The following FAM161B variants were observed in gnomAD, a reference collection of about 807,000 sequenced individuals.
The protein encoded by FAM161B is protein FAM161B.
A neutral mutation model predicts 61.5 loss-of-function variants in FAM161B; 46 were observed. That is an observed-to-expected ratio of 0.75 (90% CI 0.59 to 0.96). The LOEUF is 0.96. FAM161B is among the 40% of genes least tolerant of loss of function. The pLI, the probability that FAM161B is intolerant of heterozygous loss-of-function variation, is 0.00. For missense variants in FAM161B, 774 were observed against 800.7 expected, an observed-to-expected ratio of 0.97 and a Z score of 0.40; for synonymous variants, 284 against 302.7, an observed-to-expected ratio of 0.94 and a Z score of 0.64.
At chr14:73,943,974 G>A (rs540955903) in intron 3 of FAM161B, among the ~76,000 whole-genome samples, 1 of 152,302 alleles carries the variant, frequency 6.6e-6, no homozygotes, top group South Asian at 2.1e-4. Context: ...GGAGCCATGG[G>A]GGAGCATCTC....
At chr14:73,926,314 A>G in the FAM161B span, among the ~76,000 whole-genome samples, 1 of 152,146 alleles carries the variant, frequency 6.6e-6, no homozygotes, top group Non-Finnish European at 1.5e-5. Flanking sequence ...TGCTAGAGTC[A>G]GGATTCAAAC....
downstream of FAM161B, among the ~76,000 whole-genome samples, chr14:73,926,906 G>A (rs1021583719): frequency 5.9e-5 from 9 of 152,090 alleles, no homozygotes; most frequent in Admixed American, 5.9e-4. Flanking sequence ...TTTCATAAAT[G>A]GTGCTCTTGC....
chr14:73,924,745 C>T, the FAM161B span: 5 of 426,354 alleles, frequency 1.2e-5, no homozygotes, highest in Admixed American at 1.1e-4. Context: ...GGTGCGTTCT[C>T]GGCTCACTGC....
chr14:73,937,863 C>T (rs1256893883), intron 6 of FAM161B, 85 bp downstream of exon 6: 1 of 1,587,112 alleles, frequency 6.3e-7, no homozygotes, highest in East Asian at 2.2e-5. Flanking sequence ...ACCTCGATAA[C>T]TCTATTTTGC....
downstream of FAM161B, chr14:73,927,175 TC>T: frequency 3.8e-6 from 1 of 264,252 alleles, no homozygotes; most frequent in Non-Finnish European, 8.2e-6. Flanking sequence ...AACCTCTACC[TC>T]CCGAATTCAA....
chr14:73,925,855 C>A, the FAM161B span, among the ~76,000 whole-genome samples: 1 of 152,008 alleles, frequency 6.6e-6, no homozygotes, highest in Non-Finnish European at 1.5e-5. Flanking sequence ...AACATAAGAC[C>A]CCTATCTCTA....
chr14:73,931,182 A>G (rs532631090), downstream of FAM161B, among the ~76,000 whole-genome samples: 4 of 152,222 alleles, frequency 2.6e-5, no homozygotes, highest in South Asian at 8.3e-4. Context: ...TGGTTCCACC[A>G]TTTCTGTTTT....
rs754342701 is a variant in FAM161B at position 73,942,726 on chromosome 14, A to G, written c.926-11T>C. The G allele has an allele frequency of 6.3e-5, 102 of 1,607,302 alleles. No homozygotes were observed. Among genetic ancestry groups the G allele is most frequent in the Admixed American group, 2.0e-4 (12 of 59,366 alleles). ...TGAAGAGCTCAGCTTCTGTGGAGAA[A>G]GGATGGTGATGGGTAAGAAAGGACC... On this transcript the variant is annotated splice_polypyrimidine_tract_variant and intron_variant, in intron 3 of 8. Transcript: ENST00000286544.
At position 73,934,226 on chromosome 14, in the gene FAM161B, T is replaced by C. The variant is rs748262977; in HGVS notation, c.*30A>G. ...AAACCCAAGTTAGCTGCTTAATATT[T>C]TTCAAAAGCAGTAATTTTAAGTGTA... On this transcript the variant is annotated 3_prime_UTR_variant, in exon 9 of 9. Coordinates refer to ENST00000286544, the MANE Select transcript of FAM161B (RefSeq NM_152445.3). The C allele has an allele frequency of 4.4e-6, 7 of 1,599,894 alleles. No homozygotes were observed. The African/African-American group carries it at 8.1e-5, about 19-fold the overall frequency.
rs768750434 is a variant in FAM161B, at chr14:73,944,297, C to T, written c.925+38G>A. 41 of 1,536,282 alleles carry T rather than the reference C, an allele frequency of 2.7e-5. No homozygotes were observed. In the Admixed American group the frequency reaches 2.8e-4, roughly 10 times the overall value. ...AATCCCTATGGTGGGATTGGTTCCCCGAGGCAGGAGGCAGCAAGGTGGCAA... is the reference window on the plus strand; with the variant it reads ...AATCCCTATGGTGGGATTGGTTCCCTGAGGCAGGAGGCAGCAAGGTGGCAA... On this transcript the variant is annotated intron_variant, in intron 3 of 8. Coordinates refer to ENST00000286544, the MANE Select transcript of FAM161B (RefSeq NM_152445.3).
At chr14:73,923,636 T>C in the FAM161B span, 1 of 1,379,774 alleles carries the variant, frequency 7.2e-7, no homozygotes, top group Non-Finnish European at 9.9e-7. Flanking sequence ...TTGGCACGAA[T>C]ATTTTCCTTT....
At chr14:73,929,147 T>A (rs1404785774), downstream of FAM161B, among the ~76,000 whole-genome samples, 1 of 152,210 alleles carries the variant, frequency 6.6e-6, no homozygotes, top group Admixed American at 6.5e-5. Flanking sequence ...TGAGCCTCAC[T>A]TCTTTTGTGT....
rs192290829 is a variant in FAM161B, at chr14:73,944,548, C to G, written c.712G>C (p.Glu238Gln). The G allele has an allele frequency of 1.7e-5, 27 of 1,613,998 alleles. No individual in the cohort carries two copies. The highest frequency in any genetic ancestry group is 2.1e-5 in the Non-Finnish European group (25 of 1,180,020). ...PLYQEIMERS[E>Q]ARRQAGIQKR... ...TGGATCCCTGCCTGCCTTCGGGCCTCGCTGCGCTCCATGATCTCTTGGTAG... is the reference window on the plus strand; with the variant it reads ...TGGATCCCTGCCTGCCTTCGGGCCTGGCTGCGCTCCATGATCTCTTGGTAG... Residue 238 changes from glutamate (E) to glutamine (Q), a missense_variant, in exon 3 of 9, where the codon GAG (glutamate) becomes CAG (glutamine). By Grantham distance (29) the Glu-to-Gln change is conservative (BLOSUM62 2). Transcript: ENST00000286544.
chr14:73,935,281 A>G (rs2055961759), intron 8 of FAM161B, among the ~76,000 whole-genome samples: 1 of 152,058 alleles, frequency 6.6e-6, no homozygotes, highest in South Asian at 2.1e-4. Flanking sequence ...TAATCCCAGC[A>G]CTTTGGGAGG....
At chr14:73,925,144 TA>T in the FAM161B span, among the ~76,000 whole-genome samples, 3 of 151,552 alleles carry the variant, frequency 2.0e-5, no homozygotes, top group African/African-American at 7.3e-5. Context: ...CTTTTCTTTT[TA>T]TTGTTGTGAC....
chr14:73,925,376 C>T, the FAM161B span, among the ~76,000 whole-genome samples: 39 of 151,292 alleles, frequency 2.6e-4, no homozygotes, highest in Admixed American at 2.0e-4. Flanking sequence ...GATAAACCCA[C>T]GTCGAAGTCG....
chr14:73,940,820 C>G, intron 5 of FAM161B, 106 bp downstream of exon 5: 2 of 1,460,006 alleles, frequency 1.4e-6, no homozygotes, highest in African/African-American at 1.4e-5. Flanking sequence ...TCCCTTTGAC[C>G]CCTTGAGGTA....
intron 2 of FAM161B, 29 bp downstream of exon 2, chr14:73,946,257 G>A (rs1478247606): frequency 1.3e-6 from 2 of 1,592,978 alleles, no homozygotes; most frequent in Non-Finnish European, 8.6e-7. Context: ...GGTGTGGAGT[G>A]AGGCAGCCGT....
chr14:73,937,610 C>A lies in FAM161B; in HGVS notation c.1657G>T (p.Val553Phe). The change falls in exon 7 of 9, where the codon GTT (valine) becomes TTT (phenylalanine). Residue 553 changes from valine (V) to phenylalanine (F), a missense_variant. Transcript: ENST00000286544. ...IQTRPYLFEQVAKDLAKKEAE... is the reference protein window; with the variant it reads ...IQTRPYLFEQFAKDLAKKEAE... ...TGATGGTTTAGTTTTACCTTGGCAACTTGTTCAAAGAGATAGGGCCTTGTT... is the reference window on the plus strand; with the variant it reads ...TGATGGTTTAGTTTTACCTTGGCAAATTGTTCAAAGAGATAGGGCCTTGTT... The A allele has an allele frequency of 6.2e-7, 1 of 1,612,210 alleles. No homozygotes were observed. Among genetic ancestry groups the A allele is most frequent in the Non-Finnish European group, 8.5e-7 (1 of 1,179,576 alleles).
Sources: gnomAD v4.1 joint callset for allele counts (sites outside exome capture counted in the v4.1 genomes callset) on GRCh38, gnomAD v4.1.1 for gene constraint, MANE v1.5 for transcripts, NCBI Gene and HGNC (gene_info 2026-07-23, HGNC 2026-07-21) for gene names.